SUCO: variants seen among roughly 807,000 people sequenced by gnomAD.
SUCO encodes the protein SUN domain containing ossification factor, also known as SUN domain-containing ossification factor.
A neutral mutation model predicts 148.1 loss-of-function variants in SUCO; 57 were observed. The ratio of observed to expected loss-of-function variants is 0.38; its 90% confidence interval spans 0.31 to 0.48. The LOEUF is 0.48. SUCO is among the 20% of genes least tolerant of loss of function. SUCO has a pLI of 0.96. For missense variants in SUCO, 1,331 were observed against 1,468.2 expected (o/e 0.91, Z 1.53); for synonymous variants, 470 against 502.7 (o/e 0.93, Z 0.87).
intron 20 of SUCO, among the ~76,000 whole-genome samples, chr1:172,601,435 G>T (rs1040196824): frequency 6.6e-6 from 1 of 151,440 alleles, no homozygotes; most frequent in Non-Finnish European, 1.5e-5. Flanking sequence ...GGAGGTGGAG[G>T]TTGCAATAAG....
chr1:172,610,051 G>A lies in SUCO; in HGVS notation c.3557G>A (p.Ser1186Asn), dbSNP rs753218028. The A allele has an allele frequency of 1.2e-6, 2 of 1,613,902 alleles. No individual in the cohort carries two copies. The highest frequency in any genetic ancestry group is 1.6e-4 in the Middle Eastern group (1 of 6,062). Residue 1186 changes from serine to asparagine, a missense_variant, in exon 24 of 24, where the codon AGT becomes AAT. Physicochemically the swap from Ser to Asn is conservative, Grantham distance 46 (BLOSUM62 1). Coordinates refer to ENST00000263688, the MANE Select transcript of SUCO (RefSeq NM_014283.5). ...TTTTGTGGCATTTCAGCTTGCACAAGTCTGTGCAATGGACAGTCTCAAAAG... is the reference window on the plus strand; with the variant it reads ...TTTTGTGGCATTTCAGCTTGCACAAATCTGTGCAATGGACAGTCTCAAAAG... Reference protein sequence around the residue: ...SYFCGISACTSLCNGQSQKTK... With the variant: ...SYFCGISACTNLCNGQSQKTK...
rs193088120 is a variant in SUCO, at chr1:172,559,460, C to T, written c.732+1666C>T. ...CAAGCCCCAAAATTAGTGCTTAGCC[C>T]GGGAGGGTTCTTGGCTTAGCCCAGG... On this transcript the variant is annotated intron_variant, in intron 6 of 23. Coordinates refer to ENST00000263688, the MANE Select transcript of SUCO (RefSeq NM_014283.5). 1.1e-4 allele frequency among the ~76,000 whole-genome samples: 16 copies of T among 152,052 alleles called. No individual in the cohort carries two copies. The East Asian group carries it at 2.5e-3, about 24-fold the overall frequency.
rs556430269 is a variant in SUCO, at chr1:172,551,817, T to C, written c.177+191T>C. 1.2e-5 allele frequency: 6 copies of C among 507,862 alleles called. No homozygotes were observed. The East Asian group carries it at 2.1e-4, about 18-fold the overall frequency. 31.5% of individuals were successfully genotyped at this position (507,862 alleles called of 1,614,324 possible). On this transcript the variant is annotated intron_variant, in intron 2 of 23. Coordinates refer to ENST00000263688, the MANE Select transcript of SUCO (RefSeq NM_014283.5). The stretch of plus-strand genomic sequence containing the variant: ...GAGATATTTATATGTTTATTCTTGT[T>C]GCTTGTATTTGGAATTTTGTAACAT...
At chr1:172,608,116 A>T in intron 22 of SUCO, 1 of 982,476 alleles carries the variant, frequency 1.0e-6, no homozygotes, top group South Asian at 4.7e-5. Context: ...TTGGGCTAAA[A>T]CTAATAAATC....
At chr1:172,601,146 A>G (rs1413408906) in intron 20 of SUCO, among the ~76,000 whole-genome samples, 1 of 152,208 alleles carries the variant, frequency 6.6e-6, no homozygotes, top group Non-Finnish European at 1.5e-5. Flanking sequence ...TTTGTGGAGA[A>G]CTGCCTGTTG....
chr1:172,532,411 A>G, upstream of SUCO: 16 of 1,322,558 alleles, frequency 1.2e-5, no homozygotes, highest in Non-Finnish European at 1.6e-5. Context: ...GGAACCCGGC[A>G]AGCGGCGAAA....
chr1:172,601,420 A>G (rs1346059814), intron 20 of SUCO, among the ~76,000 whole-genome samples: 2 of 151,210 alleles, frequency 1.3e-5, no homozygotes, highest in Non-Finnish European at 2.9e-5. Context: ...AATTAGTTGA[A>G]CCCAGGAGGT....
intron 22 of SUCO, chr1:172,608,184 A>ATGTTCAAGCT: frequency 1.6e-6 from 1 of 638,278 alleles, no homozygotes; most frequent in Non-Finnish European, 2.0e-6. Flanking sequence ...TATATATTGC[A>ATGTTCAAGCT]TGTTCAAGCT....
intron 3 of SUCO, among the ~76,000 whole-genome samples, chr1:172,554,631 G>A (rs1340137483): frequency 6.6e-6 from 1 of 151,902 alleles, no homozygotes; most frequent in East Asian, 1.9e-4. Context: ...CAGCTACTCA[G>A]GAGGCTGAGG....
chr1:172,547,248 G>C (rs1057372444), intron 1 of SUCO, among the ~76,000 whole-genome samples: 5 of 152,178 alleles, frequency 3.3e-5, no homozygotes, highest in Non-Finnish European at 7.3e-5. Flanking sequence ...TTGCTGAGTA[G>C]TAGTACACTG....
At chr1:172,573,861 TTAAG>T (rs1655228142) in intron 9 of SUCO, 26 bp from the exon 10 acceptor site, 2 of 1,253,928 alleles carry the variant, frequency 1.6e-6, no homozygotes, top group Non-Finnish European at 2.3e-6. Context: ...TTTGATTGGT[TTAAG>T]TAATTGTCTT....
At chr1:172,532,443 A>T, upstream of SUCO, 1 of 1,559,014 alleles carries the variant, frequency 6.4e-7, no homozygotes, top group Non-Finnish European at 8.7e-7. Context: ...GAGAAGAAAA[A>T]GCGAAAGGTT....
chr1:172,551,414 A>C, intron 1 of SUCO, 98 bp from the exon 2 acceptor site: 5 of 654,732 alleles, frequency 7.6e-6, no homozygotes, highest in Non-Finnish European at 1.3e-5. Flanking sequence ...TTATCGCCTC[A>C]AATTCTAGCC....
Position 172,589,063 on chromosome 1 carries a change from A to G in SUCO, c.1962A>G (p.Lys654=), listed in dbSNP as rs559956159. 2 of 1,613,762 alleles carry G rather than the reference A, an allele frequency of 1.2e-6. No homozygotes were observed. The highest frequency in any genetic ancestry group is 2.2e-5 in the East Asian group (1 of 44,882). Residue 654 remains lysine (K), a synonymous_variant, in exon 18 of 24, where the codon AAA becomes AAG. Transcript: ENST00000263688. ...AGCGCAGCCGAACTGCTTTGAGTAA[A>G]GGAAAAGATTATCTTGTGTTAGCTC... is the stretch of plus-strand genomic sequence containing the variant. The part of the protein sequence containing the change: ...YRQRSRTALS[K]GKDYLVLAQP...
chr1:172,543,877 A>G (rs1443924924), intron 1 of SUCO, among the ~76,000 whole-genome samples: 1 of 152,122 alleles, frequency 6.6e-6, no homozygotes. Flanking sequence ...CAACCTTAAA[A>G]GAGCTCCAGA....
chr1:172,539,242 A>G lies in SUCO; in HGVS notation c.62+5745A>G, dbSNP rs1652257004. ...ATTCTCAAGTCATCTTCAAATAGAA[A>G]CACCTGTATGTACGTGATGCTTTTG... On this transcript the variant is annotated intron_variant, in intron 1 of 23. Transcript: ENST00000263688. 2.0e-5 allele frequency among the ~76,000 whole-genome samples: 3 copies of G among 152,210 alleles called. No individual in the cohort carries two copies. The South Asian group carries it at 6.2e-4, about 31-fold the overall frequency.
At chr1:172,558,227 T>A (rs890190716) in intron 6 of SUCO, among the ~76,000 whole-genome samples, 1 of 152,196 alleles carries the variant, frequency 6.6e-6, no homozygotes, top group Non-Finnish European at 1.5e-5. Context: ...CTTTCATTAT[T>A]TGTGTGCAAA....
At chr1:172,540,551 TAAAC>T (rs899957875) in intron 1 of SUCO, among the ~76,000 whole-genome samples, 1 of 152,206 alleles carries the variant, frequency 6.6e-6, no homozygotes, top group Non-Finnish European at 1.5e-5. Flanking sequence ...TGAATGTTAA[TAAAC>T]AACACATAAA....
chr1:172,567,062 G>A (rs554048751), intron 6 of SUCO, among the ~76,000 whole-genome samples: 1 of 152,320 alleles, frequency 6.6e-6, no homozygotes, highest in East Asian at 1.9e-4. Context: ...ACTCTAAGGT[G>A]GAAGTTGGAT....
Sources: gnomAD v4.1 joint callset for allele counts (sites outside exome capture counted in the v4.1 genomes callset) on GRCh38, gnomAD v4.1.1 for gene constraint, MANE v1.5 for transcripts, NCBI Gene and HGNC (gene_info 2026-07-23, HGNC 2026-07-21) for gene names.